The following EMB variants were observed in gnomAD, a reference collection of about 807,000 sequenced individuals.
The protein encoded by EMB is embigin, also known as embigin homolog.
In EMB, 31 loss-of-function variants were observed where a neutral mutation model predicts 41.4. That is an observed-to-expected ratio of 0.75 (90% CI 0.56 to 1.01). The LOEUF is 1.01. Among genes scored for constraint, EMB ranks in the 50% least tolerant of loss-of-function variants. The pLI, the probability that EMB is intolerant of heterozygous loss-of-function variation, is 0.00. For synonymous variants in EMB, 137 were observed against 140.4 expected (o/e 0.98, Z 0.17); for missense variants, 379 against 388.3 (o/e 0.98, Z 0.20).
chr5:50,414,089 A>G (rs546604039), intron 2 of EMB, among the ~76,000 whole-genome samples: 1 of 152,330 alleles, frequency 6.6e-6, no homozygotes. Context: ...ATTACTCTTA[A>G]GGGGAAGAGA....
chr5:50,424,039 T>C (rs914798747), intron 2 of EMB, among the ~76,000 whole-genome samples: 6 of 152,314 alleles, frequency 3.9e-5, no homozygotes, highest in South Asian at 2.1e-4. Flanking sequence ...ACTCTCCTCC[T>C]TGCATGAACT....
In EMB at chr5:50,411,355, AT is replaced by A; in HGVS notation, c.224del (p.Asn75IlefsTer4). ...CATTAGAAGGCCTTTCTAAAGTGAT[AT>A]TTTTTTCTACTGGCATACTAGAATG... ...TEHSSMPVEK[N>X]ITLERPSNVN... is the part of the protein sequence containing the mutation. On this transcript the variant is annotated frameshift_variant, in exon 3 of 9. Transcript: ENST00000303221. LOFTEE classifies it high-confidence loss of function. 2 of 1,605,878 alleles carry A rather than the reference AT, an allele frequency of 1.2e-6. No individual in the cohort carries two copies. The highest frequency in any genetic ancestry group is 1.7e-6 in the Non-Finnish European group (2 of 1,175,666).
chr5:50,432,601 C>A (rs1042449776), intron 1 of EMB, among the ~76,000 whole-genome samples: 1 of 151,540 alleles, frequency 6.6e-6, no homozygotes, highest in East Asian at 1.9e-4. Flanking sequence ...TGATTATACA[C>A]AACACATGGA....
chr5:50,412,570 T>C (rs1419162500), intron 2 of EMB, among the ~76,000 whole-genome samples: 1 of 152,014 alleles, frequency 6.6e-6, no homozygotes, highest in Non-Finnish European at 1.5e-5. Flanking sequence ...CGTTTTTCCA[T>C]AAGCTGCCTT....
At chr5:50,423,489 CT>C (rs1342885366) in intron 2 of EMB, among the ~76,000 whole-genome samples, 4 of 152,030 alleles carry the variant, frequency 2.6e-5, no homozygotes, top group African/African-American at 9.7e-5. Flanking sequence ...ATTTCTCTAC[CT>C]AGTATTTTCT....
At chr5:50,401,095 G>A (rs1745154924) in intron 7 of EMB, among the ~76,000 whole-genome samples, 2 of 152,020 alleles carry the variant, frequency 1.3e-5, no homozygotes, top group African/African-American at 4.8e-5. Context: ...ACATAAATAA[G>A]ATATCTATGT....
chr5:50,420,085 T>A (rs566599929), intron 2 of EMB, among the ~76,000 whole-genome samples: 1 of 152,136 alleles, frequency 6.6e-6, no homozygotes, highest in Non-Finnish European at 1.5e-5. Context: ...CTGGGCTTAC[T>A]GTCTAGGTGA....
chr5:50,430,418 C>T (rs1385139527), intron 1 of EMB, among the ~76,000 whole-genome samples: 1 of 152,158 alleles, frequency 6.6e-6, no homozygotes, highest in Non-Finnish European at 1.5e-5. Context: ...GTATCAGTAA[C>T]AATAAGAGTG....
chr5:50,438,254 A>T (rs7735864), intron 1 of EMB, among the ~76,000 whole-genome samples: 2 of 152,246 alleles, frequency 1.3e-5, no homozygotes, highest in African/African-American at 4.8e-5. Context: ...GGGCAATTAC[A>T]TAAGCCAAGC....
Position 50,398,334 on chromosome 5 carries a change from G to A in EMB, c.*939C>T, listed in dbSNP as rs1745104728. On this transcript the variant is annotated 3_prime_UTR_variant, in exon 9 of 9. Transcript: ENST00000303221. ...GCATTCACAGCAATAAAAAAGAAGT[G>A]CTTTAGTATTTCTGGACTTCAGTCA... The A allele has an allele frequency of 6.6e-6, 1 of 151,868 alleles. No homozygotes were observed. The highest frequency in any genetic ancestry group is 2.4e-5 in the African/African-American group (1 of 41,364). The allele number at this position is 151,868 out of a possible 1,614,324, so 9.4% of individuals were successfully genotyped here.
chr5:50,402,827 C>G (rs1307936292), intron 6 of EMB, among the ~76,000 whole-genome samples: 5 of 130,468 alleles, frequency 3.8e-5, no homozygotes, highest in Non-Finnish European at 7.7e-5. Flanking sequence ...TCTAATATTC[C>G]AGTGCCAGAA....
At chr5:50,411,440 T>C in intron 2 of EMB, 57 bp from the exon 3 acceptor site, 1 of 1,198,350 alleles carries the variant, frequency 8.3e-7, no homozygotes, top group South Asian at 1.9e-5. Context: ...ATCTAACACA[T>C]AAAACCTTTT....
intron 1 of EMB, among the ~76,000 whole-genome samples, chr5:50,432,831 C>A (rs1466373243): frequency 6.6e-6 from 1 of 150,672 alleles, no homozygotes. Context: ...CTAATCTCAG[C>A]ACTTTGGGAG....
chr5:50,416,287 T>G (rs1232009537), intron 2 of EMB, among the ~76,000 whole-genome samples: 4 of 152,330 alleles, frequency 2.6e-5, no homozygotes, highest in African/African-American at 9.6e-5. Flanking sequence ...ACGATAACAA[T>G]TTGTTGTTTT....
intron 2 of EMB, among the ~76,000 whole-genome samples, chr5:50,427,904 G>A (rs1430302120): frequency 6.6e-6 from 1 of 152,006 alleles, no homozygotes; most frequent in Non-Finnish European, 1.5e-5. Context: ...CTTTTCTCAG[G>A]TATCCATTTT....
rs116773672 is a variant in EMB at position 50,428,750 on chromosome 5, G to A, written c.113-523C>T. ...TCTAGCTACGGTTACCAAGAGGCAT[G>A]CCCTCTAACACCTGACTTTCAGTTT... On this transcript the variant is annotated intron_variant, in intron 1 of 8. Coordinates refer to ENST00000303221, the MANE Select transcript of EMB (RefSeq NM_198449.3). 1,762 of 985,236 alleles carry A rather than the reference G, an allele frequency of 1.8e-3. 24 individuals are homozygous for A. In the African/African-American group the frequency reaches 0.029, roughly 16 times the overall value. The allele number at this position is 985,236 out of a possible 1,614,324, so 61.0% of individuals were successfully genotyped here.
At chr5:50,416,936 A>G (rs1267254456) in intron 2 of EMB, among the ~76,000 whole-genome samples, 1 of 152,130 alleles carries the variant, frequency 6.6e-6, no homozygotes, top group Non-Finnish European at 1.5e-5. Flanking sequence ...ATTTGCACAT[A>G]ATTAAAAGTA....
chr5:50,403,560 T>C (rs1339389880), intron 5 of EMB, 106 bp from the exon 6 acceptor site: 3 of 1,235,132 alleles, frequency 2.4e-6, no homozygotes, highest in Non-Finnish European at 3.4e-6. Context: ...TATTGCTTAC[T>C]AGAGAAAGGC....
chr5:50,432,428 T>C (rs1745734642), intron 1 of EMB, among the ~76,000 whole-genome samples: 1 of 152,128 alleles, frequency 6.6e-6, no homozygotes, highest in African/African-American at 2.4e-5. Context: ...GGAATGAATA[T>C]TACATATTAT....
Sources: allele counts gnomAD v4.1 joint callset (sites outside exome capture counted in the v4.1 genomes callset), GRCh38; gene constraint gnomAD v4.1.1; transcripts MANE v1.5; gene names NCBI Gene and HGNC (gene_info 2026-07-23, HGNC 2026-07-21).